PCDH15: variants seen among roughly 807,000 people sequenced by gnomAD.
PCDH15 encodes the protein protocadherin-15.
Under a neutral mutation model 178.5 loss-of-function variants are expected in PCDH15, and 129 were observed. That is an observed-to-expected ratio of 0.72 (90% CI 0.63 to 0.84). PCDH15 has a LOEUF of 0.84. Ranked by LOEUF, PCDH15 falls within the 40% of genes least tolerant of loss-of-function variation. The pLI, the probability that PCDH15 is intolerant of heterozygous loss-of-function variation, is 0.00. For missense variants in PCDH15, 2,230 were observed against 2,099.9 expected (o/e 1.06, Z -1.21); for synonymous variants, 800 against 732.0 (o/e 1.09, Z -1.50).
At chr10:54,844,816 C>A (rs1357726532) in intron 3 of PCDH15, among the ~76,000 whole-genome samples, 2 of 151,714 alleles carry the variant, frequency 1.3e-5, no homozygotes, top group African/African-American at 4.8e-5. Context: ...TTGATGACGG[C>A]CATTATGCAT....
Position 55,599,612 on chromosome 10 carries a change from C to T in PCDH15, c.-156+28013G>A, listed in dbSNP as rs189929186. 1,363 of 201,846 alleles carry T rather than the reference C, an allele frequency of 6.8e-3. 12 individuals are homozygous for T. Among genetic ancestry groups the T allele is most frequent in the Non-Finnish European group, 9.5e-3 (954 of 100,464 alleles). 12.5% of individuals were successfully genotyped at this position (201,846 alleles called of 1,614,324 possible). The stretch of plus-strand genomic sequence containing the variant: ...AGACATTATCCATTGCATAAGCTTA[C>T]ATCAGACCAGAATAATCCACTGACA... On this transcript the variant is annotated intron_variant, in intron 2 of 5. Transcript: ENST00000613346.
In PCDH15 at chr10:54,240,712, A is replaced by G. The variant is rs547227796; in HGVS notation, c.877-3781T>C. On this transcript the variant is annotated intron_variant, in intron 8 of 37. Coordinates refer to ENST00000644397, the MANE Select transcript of PCDH15 (RefSeq NM_001384140.1). ...AGTGGCGCGATCCCGGCTCACTGCA[A>G]GCTCCGCCTCCCGGGTTCACGCCAT... Among the ~76,000 whole-genome samples, 1,187 of 145,602 alleles carry G rather than the reference A, an allele frequency of 8.2e-3. 9 individuals are homozygous for G. The highest frequency in any genetic ancestry group is 0.026 in the African/African-American group (1,034 of 39,336).
At chr10:54,543,154 C>T (rs1413318015) in intron 2 of PCDH15, among the ~76,000 whole-genome samples, 2 of 152,194 alleles carry the variant, frequency 1.3e-5, no homozygotes, top group Non-Finnish European at 2.9e-5. Context: ...CATCTCCCTT[C>T]TGGCTCCCCC....
At chr10:54,960,375 A>C (rs988579204) in intron 2 of PCDH15, among the ~76,000 whole-genome samples, 1 of 152,310 alleles carries the variant, frequency 6.6e-6, no homozygotes, top group African/African-American at 2.4e-5. Flanking sequence ...TGCTTATGAT[A>C]ATTTGCTTAG....
chr10:53,971,745 C>T (rs2089708385), intron 21 of PCDH15, among the ~76,000 whole-genome samples: 1 of 152,072 alleles, frequency 6.6e-6, no homozygotes, highest in South Asian at 2.1e-4. Flanking sequence ...TGTGAAGGAC[C>T]TCTTCAAGGA....
chr10:54,130,565 A>T (rs1266383788), intron 15 of PCDH15, among the ~76,000 whole-genome samples: 1 of 152,182 alleles, frequency 6.6e-6, no homozygotes, highest in Non-Finnish European at 1.5e-5. Flanking sequence ...ACTGAGGAAA[A>T]TCACTGCTTC....
chr10:54,996,778 C>T (rs1047712973), intron 2 of PCDH15, among the ~76,000 whole-genome samples: 1 of 151,960 alleles, frequency 6.6e-6, no homozygotes, highest in Non-Finnish European at 1.5e-5. Flanking sequence ...CTGTTTGGCC[C>T]GAGTGTTCTT....
intron 3 of PCDH15, among the ~76,000 whole-genome samples, chr10:54,409,076 A>T (rs12784522): frequency 0.061 from 9,305 of 152,242 alleles, 324 homozygotes; most frequent in Admixed American, 0.1. Context: ...ATGGTTTTAT[A>T]AGGGGAAACC....
intron 2 of PCDH15, among the ~76,000 whole-genome samples, chr10:54,965,968 C>A (rs1009674141): frequency 2.0e-5 from 3 of 149,818 alleles, no homozygotes; most frequent in African/African-American, 7.3e-5. Context: ...ATATAATAGA[C>A]CTTATATAAT....
chr10:54,436,820 G>A (rs148161720), intron 3 of PCDH15, among the ~76,000 whole-genome samples: 4 of 151,930 alleles, frequency 2.6e-5, no homozygotes, highest in Admixed American at 6.6e-5. Context: ...TCACAAAATC[G>A]AGATTCAAAA....
chr10:54,782,519 T>C (rs1950472480), intron 1 of PCDH15, among the ~76,000 whole-genome samples: 1 of 152,182 alleles, frequency 6.6e-6, no homozygotes, highest in Non-Finnish European at 1.5e-5. Flanking sequence ...CTTTTTCTAA[T>C]TGATTACAGA....
intron 2 of PCDH15, among the ~76,000 whole-genome samples, chr10:55,459,540 A>C (rs1839627566): frequency 6.6e-6 from 1 of 152,106 alleles, no homozygotes; most frequent in East Asian, 1.9e-4. Context: ...ATATCATCTA[A>C]AATTTATGTG....
chr10:54,552,442 A>C (rs1313968881), intron 2 of PCDH15, among the ~76,000 whole-genome samples: 1 of 152,122 alleles, frequency 6.6e-6, no homozygotes, highest in Non-Finnish European at 1.5e-5. Context: ...CTGTCTCCAA[A>C]ACTTAAATGG....
At chr10:53,975,864 T>C (rs1354940315) in intron 21 of PCDH15, among the ~76,000 whole-genome samples, 1 of 152,170 alleles carries the variant, frequency 6.6e-6, no homozygotes, top group Non-Finnish European at 1.5e-5. Flanking sequence ...TCTAGAATGA[T>C]ATTTCTTAGA....
chr10:55,235,781 C>G (rs891090564), intron 1 of PCDH15, among the ~76,000 whole-genome samples: 1 of 151,858 alleles, frequency 6.6e-6, no homozygotes, highest in Non-Finnish European at 1.5e-5. Context: ...GTGGCATGTA[C>G]CTGTAGTCCC....
intron 2 of PCDH15, among the ~76,000 whole-genome samples, chr10:54,929,418 T>C (rs1670812): frequency 0.77 from 117,745 of 152,058 alleles, 46,234 homozygotes; most frequent in Middle Eastern, 0.87. Flanking sequence ...GGGTGCTGGA[T>C]ACTTTTATTC....
At chr10:54,084,008 A>G (rs182501764) in intron 16 of PCDH15, among the ~76,000 whole-genome samples, 26 of 152,000 alleles carry the variant, frequency 1.7e-4, no homozygotes, top group African/African-American at 5.1e-4. Flanking sequence ...AGAGGATCAC[A>G]AGGTCAGGAG....
chr10:53,963,776 C>T (rs1231910508), intron 21 of PCDH15, among the ~76,000 whole-genome samples: 1 of 152,120 alleles, frequency 6.6e-6, no homozygotes, highest in Non-Finnish European at 1.5e-5. Flanking sequence ...ATCATCATCA[C>T]ATCCTGCCAA....
intron 1 of PCDH15, among the ~76,000 whole-genome samples, chr10:55,204,533 C>T (rs1236210341): frequency 6.1e-5 from 7 of 115,180 alleles, no homozygotes; most frequent in Non-Finnish European, 1.6e-4. Context: ...ATACCTTGTC[C>T]ATATAAAATC....
Sources: allele counts gnomAD v4.1 joint callset (sites outside exome capture counted in the v4.1 genomes callset), GRCh38; gene constraint gnomAD v4.1.1; transcripts MANE v1.5; gene names NCBI Gene and HGNC (gene_info 2026-07-23, HGNC 2026-07-21).